SLCO1B1: variants seen among roughly 807,000 people sequenced by gnomAD.
SLCO1B1 encodes OATP-2.
A neutral mutation model predicts 70.1 loss-of-function variants in SLCO1B1; 81 were observed. The ratio of observed to expected loss-of-function variants is 1.16; its 90% CI spans 0.97 to 1.39. SLCO1B1 has a LOEUF of 1.39. Ranked by LOEUF, SLCO1B1 falls within the 40% of genes most tolerant of loss-of-function variation. SLCO1B1 has a pLI of 0.00. For synonymous variants in SLCO1B1, 283 were observed against 271.5 expected (o/e 1.04, Z -0.42); for missense variants, 895 against 799.6 (o/e 1.12, Z -1.44).
intron 7 of SLCO1B1, among the ~76,000 whole-genome samples, chr12:21,192,456 T>A (rs1489039287): frequency 6.7e-6 from 1 of 149,498 alleles, no homozygotes; most frequent in Non-Finnish European, 1.5e-5. Context: ...GCTCTTATTT[T>A]GTTTGTTTGA....
rs1941466694 is a variant in SLCO1B1 at position 21,224,834 on chromosome 12, A to G, written c.1860A>G (p.Ser620=). Residue 620 remains serine, a synonymous_variant, in exon 14 of 15, where the codon TCA becomes TCG. Coordinates refer to ENST00000256958, the MANE Select transcript of SLCO1B1 (RefSeq NM_006446.5). ...CATGTAGGACATATAATTCCACATC[A>G]TTTTCGTAAGTTGTCATAAATATAT... ...RGSCRTYNST[S]FSRVYLGLSS... 3 of 1,557,400 alleles carry G rather than the reference A, an allele frequency of 1.9e-6. No individual in the cohort carries two copies. Among genetic ancestry groups the G allele is most frequent in the Non-Finnish European group, 2.6e-6 (3 of 1,133,870 alleles).
chr12:21,143,157 G>A (rs1477349494), intron 2 of SLCO1B1, among the ~76,000 whole-genome samples: 1 of 151,984 alleles, frequency 6.6e-6, no homozygotes, highest in East Asian at 1.9e-4. Context: ...TGTAGTTGAG[G>A]TTTGTTGCAT....
chr12:21,193,120 G>A (rs968828693), intron 7 of SLCO1B1, among the ~76,000 whole-genome samples: 2 of 152,194 alleles, frequency 1.3e-5, no homozygotes, highest in South Asian at 2.1e-4. Context: ...GTAACATGTG[G>A]TCTATCTTAG....
intron 14 of SLCO1B1, among the ~76,000 whole-genome samples, chr12:21,231,191 T>C (rs1941533332): frequency 1.3e-5 from 2 of 152,126 alleles, no homozygotes; most frequent in African/African-American, 4.8e-5. Context: ...CCATGGTTTA[T>C]ATGTGCTACA....
At chr12:21,149,606 A>G (rs1406162777) in intron 2 of SLCO1B1, among the ~76,000 whole-genome samples, 3 of 152,078 alleles carry the variant, frequency 2.0e-5, no homozygotes, top group Non-Finnish European at 4.4e-5. Context: ...AGTTGTCAGG[A>G]AACTTCCTCC....
intron 2 of SLCO1B1, among the ~76,000 whole-genome samples, chr12:21,169,903 A>T (rs1363902243): frequency 1.3e-5 from 2 of 152,140 alleles, no homozygotes; most frequent in African/African-American, 4.8e-5. Flanking sequence ...TTCTGAATAG[A>T]GATTCTGTGG....
chr12:21,160,965 A>C (rs117355480), intron 2 of SLCO1B1, among the ~76,000 whole-genome samples: 8 of 152,378 alleles, frequency 5.3e-5, no homozygotes, highest in Non-Finnish European at 1.0e-4. Flanking sequence ...ATGAGACATT[A>C]TCTCACGCTA....
At chr12:21,212,950 A>G (rs182392128) in intron 11 of SLCO1B1, among the ~76,000 whole-genome samples, 1 of 151,640 alleles carries the variant, frequency 6.6e-6, no homozygotes, top group Non-Finnish European at 1.5e-5. Context: ...TTTTGAGCCT[A>G]TGTGTGTCTC....
intron 2 of SLCO1B1, among the ~76,000 whole-genome samples, chr12:21,160,383 A>T (rs977081504): frequency 6.6e-6 from 1 of 151,960 alleles, no homozygotes; most frequent in Non-Finnish European, 1.5e-5. Context: ...GGGAAAAAAA[A>T]CCCTGTTCAA....
chr12:21,217,934 A>T (rs537689079), intron 12 of SLCO1B1, among the ~76,000 whole-genome samples: 1 of 152,296 alleles, frequency 6.6e-6, no homozygotes, highest in South Asian at 2.1e-4. Context: ...TGAGATAAAT[A>T]ATCTTAAAAT....
chr12:21,214,233 G>C (rs1228072780), intron 11 of SLCO1B1, among the ~76,000 whole-genome samples: 2 of 152,076 alleles, frequency 1.3e-5, no homozygotes, highest in Non-Finnish European at 2.9e-5. Context: ...TGTACAGATG[G>C]GTTTTCGGTG....
rs866433440 is a variant in SLCO1B1, at chr12:21,209,248, C to A, written c.1497+3215C>A. ...AACAGTCCCCAGAGTGTGATATTCC[C>A]CTTCCTGTGTCCATGTGATCTCATT... On this transcript the variant is annotated intron_variant, in intron 11 of 14. Coordinates refer to ENST00000256958, the MANE Select transcript of SLCO1B1 (RefSeq NM_006446.5). Among the ~76,000 whole-genome samples the A allele has an allele frequency of 2.7e-3, 410 of 151,844 alleles. 2 individuals are homozygous for A. Among genetic ancestry groups the A allele is most frequent in the African/African-American group, 9.5e-3 (392 of 41,356 alleles).
intron 7 of SLCO1B1, among the ~76,000 whole-genome samples, 187 bp downstream of exon 7, chr12:21,179,207 T>C (rs189364807): frequency 2.0e-5 from 3 of 152,322 alleles, no homozygotes; most frequent in East Asian, 1.9e-4. Context: ...ATTTATACTA[T>C]CTTTATAACT....
At chr12:21,145,147 G>A (rs1020504620) in intron 2 of SLCO1B1, among the ~76,000 whole-genome samples, 10 of 152,242 alleles carry the variant, frequency 6.6e-5, no homozygotes, top group South Asian at 2.1e-4. Flanking sequence ...AGACCCAACC[G>A]TTTTGTTGTC....
intron 11 of SLCO1B1, among the ~76,000 whole-genome samples, chr12:21,209,169 T>C (rs1466167437): frequency 6.6e-6 from 1 of 152,054 alleles, no homozygotes; most frequent in African/African-American, 2.4e-5. Flanking sequence ...TAACTCGTCA[T>C]CTAGCATTAG....
intron 2 of SLCO1B1, among the ~76,000 whole-genome samples, chr12:21,166,943 T>C (rs945171916): frequency 2.0e-5 from 3 of 152,124 alleles, no homozygotes; most frequent in Non-Finnish European, 4.4e-5. Context: ...ATTCATGCAA[T>C]AGAATAAGAA....
chr12:21,207,339 A>G (rs1941226128), intron 11 of SLCO1B1, among the ~76,000 whole-genome samples: 1 of 151,704 alleles, frequency 6.6e-6, no homozygotes, highest in African/African-American at 2.4e-5. Flanking sequence ...CTGTCCTTAT[A>G]TTCGTGTGGA....
chr12:21,169,278 T>A (rs11045814), intron 2 of SLCO1B1, among the ~76,000 whole-genome samples: 15,247 of 152,160 alleles, frequency 0.1, 1,232 homozygotes, highest in South Asian at 0.28. Context: ...TTTAGGTTCC[T>A]TTATCTCTTA....
chr12:21,134,840 C>T (rs1351726361), intron 1 of SLCO1B1, among the ~76,000 whole-genome samples: 1 of 152,118 alleles, frequency 6.6e-6, no homozygotes, highest in African/African-American at 2.4e-5. Flanking sequence ...TCCTTCAGTT[C>T]TGCTCTGATG....
Sources: allele counts gnomAD v4.1 joint callset (sites outside exome capture counted in the v4.1 genomes callset), GRCh38; gene constraint gnomAD v4.1.1; transcripts MANE v1.5; gene names NCBI Gene and HGNC (gene_info 2026-07-23, HGNC 2026-07-21).